The following IFRD1 variants were observed in gnomAD, a reference collection of about 807,000 sequenced individuals.
IFRD1 encodes interferon-related developmental regulator 1.
In IFRD1, 35 loss-of-function variants were observed where a neutral mutation model predicts 52.9. The ratio of observed to expected loss-of-function variants is 0.66; its 90% CI spans 0.51 to 0.88. The LOEUF (loss-of-function observed/expected upper bound fraction) is 0.88. IFRD1 is among the 40% of genes least tolerant of loss of function. The pLI, the probability that IFRD1 is intolerant of heterozygous loss-of-function variation, is 0.00. For missense variants in IFRD1, 517 were observed against 550.8 expected (o/e 0.94, Z 0.61); for synonymous variants, 184 against 188.4 (o/e 0.98, Z 0.19).
At chr7:112,431,572 T>A (rs1311859545) in intron 1 of IFRD1, among the ~76,000 whole-genome samples, 1 of 152,194 alleles carries the variant, frequency 6.6e-6, no homozygotes, top group Non-Finnish European at 1.5e-5. Flanking sequence ...ATCTATGCAG[T>A]CCTCCTTCCC....
At chr7:112,443,812 A>G (rs567705843) in intron 1 of IFRD1, among the ~76,000 whole-genome samples, 2 of 150,800 alleles carry the variant, frequency 1.3e-5, no homozygotes, top group African/African-American at 4.9e-5. Flanking sequence ...CAGTGAACCG[A>G]GATCGCACCA....
intron 1 of IFRD1, among the ~76,000 whole-genome samples, chr7:112,442,014 T>C (rs754973352): frequency 2.6e-5 from 4 of 152,232 alleles, no homozygotes; most frequent in Non-Finnish European, 5.9e-5. Context: ...GGCTAACATG[T>C]ACTGTTTCAT....
intron 8 of IFRD1, among the ~76,000 whole-genome samples, chr7:112,462,777 G>C (rs1010666053): frequency 3.3e-5 from 5 of 152,046 alleles, no homozygotes; most frequent in Admixed American, 2.0e-4. Context: ...GCATAGGTTT[G>C]GGATGAGATG....
intron 9 of IFRD1, among the ~76,000 whole-genome samples, chr7:112,471,404 A>T (rs1348556889): frequency 6.6e-6 from 1 of 152,170 alleles, no homozygotes; most frequent in Non-Finnish European, 1.5e-5. Context: ...GAAGGGGCTG[A>T]GGTAGATGTC....
upstream of IFRD1, among the ~76,000 whole-genome samples, chr7:112,447,804 G>A (rs1795063304): frequency 6.6e-6 from 1 of 152,134 alleles, no homozygotes; most frequent in Admixed American, 6.5e-5. Context: ...GCACTGGTCT[G>A]GAGCTAAACT....
Position 112,475,564 on chromosome 7 carries a change from C to A in IFRD1, c.*45C>A. On this transcript the variant is annotated 3_prime_UTR_variant, in exon 12 of 12. Transcript: ENST00000403825. Reference sequence around the variant, plus strand: ...TATTTTCTAATTTCTATTTTTTTTTCTATTTCAATGTATTTAAACTCTAGA... The same window carrying A: ...TATTTTCTAATTTCTATTTTTTTTTATATTTCAATGTATTTAAACTCTAGA... 1.7e-6 allele frequency: 2 copies of A among 1,187,198 alleles called. No individual in the cohort carries two copies. The highest frequency in any genetic ancestry group is 1.3e-5 in the South Asian group (1 of 78,876). The allele number at this position is 1,187,198 out of a possible 1,614,324, so 73.5% of individuals were successfully genotyped here.
At chr7:112,438,180 T>C (rs1054361208) in intron 1 of IFRD1, among the ~76,000 whole-genome samples, 1 of 152,198 alleles carries the variant, frequency 6.6e-6, no homozygotes, top group Non-Finnish European at 1.5e-5. Flanking sequence ...AAAGAATACA[T>C]TACTTAATTG....
intron 8 of IFRD1, among the ~76,000 whole-genome samples, chr7:112,464,844 C>G (rs767158246): frequency 6.6e-6 from 1 of 152,102 alleles, no homozygotes; most frequent in East Asian, 1.9e-4. Flanking sequence ...TACAGCACAG[C>G]GAGAAAAAAG....
upstream of IFRD1, chr7:112,446,247 AC>A: frequency 4.7e-6 from 1 of 211,134 alleles, no homozygotes; most frequent in Non-Finnish European, 1.0e-5. Flanking sequence ...ACGCTCCAGT[AC>A]CACATTCATC....
upstream of IFRD1, among the ~76,000 whole-genome samples, chr7:112,447,635 C>T (rs926877345): frequency 1.3e-5 from 2 of 152,170 alleles, no homozygotes; most frequent in South Asian, 2.1e-4. Context: ...AGCCCTTTTT[C>T]CTGTTCCCTT....
At chr7:112,464,629 G>C (rs1795563389) in intron 8 of IFRD1, among the ~76,000 whole-genome samples, 1 of 152,194 alleles carries the variant, frequency 6.6e-6, no homozygotes, top group South Asian at 2.1e-4. Context: ...GTTGAATTGA[G>C]TATTGCATTT....
chr7:112,453,378 TCA>T (rs1023757241), intron 1 of IFRD1, among the ~76,000 whole-genome samples: 1 of 152,204 alleles, frequency 6.6e-6, no homozygotes, highest in African/African-American at 2.4e-5. Context: ...GTACTTAGGA[TCA>T]CAGTGTGGGT....
At chr7:112,465,153 C>T (rs998575278) in intron 8 of IFRD1, among the ~76,000 whole-genome samples, 5 of 152,134 alleles carry the variant, frequency 3.3e-5, no homozygotes, top group African/African-American at 1.2e-4. Flanking sequence ...CTCCCTCCTC[C>T]TTCCAAAGTG....
intron 4 of IFRD1, 151 bp downstream of exon 4, chr7:112,457,189 A>G (rs1584490034): frequency 1.3e-6 from 1 of 782,084 alleles, no homozygotes; most frequent in East Asian, 2.6e-5. Context: ...ATGGCTCAAA[A>G]TGAGACTTGT....
intron 9 of IFRD1, among the ~76,000 whole-genome samples, chr7:112,470,962 A>C (rs548425304): frequency 2.0e-5 from 3 of 152,286 alleles, no homozygotes; most frequent in African/African-American, 7.2e-5. Flanking sequence ...TATATATGTA[A>C]AAGATTGAGA....
intron 1 of IFRD1, among the ~76,000 whole-genome samples, chr7:112,424,199 C>A (rs1340824011): frequency 6.6e-6 from 1 of 152,018 alleles, no homozygotes; most frequent in Non-Finnish European, 1.5e-5. Flanking sequence ...CGAGCTGGCA[C>A]CATTGCAGGC....
intron 1 of IFRD1, among the ~76,000 whole-genome samples, chr7:112,429,985 C>T (rs1049863015): frequency 2.0e-5 from 3 of 152,178 alleles, no homozygotes; most frequent in African/African-American, 7.2e-5. Flanking sequence ...CTCCCTTCTT[C>T]TCAGCTTCTT....
At chr7:112,458,438 T>C in intron 4 of IFRD1, 1 of 178,146 alleles carries the variant, frequency 5.6e-6, no homozygotes, top group Admixed American at 5.5e-5. Context: ...GTTTACCTAA[T>C]GGACTGTGTA....
intron 1 of IFRD1, among the ~76,000 whole-genome samples, chr7:112,424,704 C>T (rs539772345): frequency 7.9e-5 from 12 of 152,088 alleles, no homozygotes; most frequent in African/African-American, 2.2e-4. Context: ...CCTGAGCCAC[C>T]GTGCCAGGCC....
Sources: allele counts gnomAD v4.1 joint callset (sites outside exome capture counted in the v4.1 genomes callset), GRCh38; gene constraint gnomAD v4.1.1; transcripts MANE v1.5; gene names NCBI Gene and HGNC (gene_info 2026-07-23, HGNC 2026-07-21).